The following LUZP2 variants were observed in gnomAD, a reference collection of about 807,000 sequenced individuals.
LUZP2 encodes leucine zipper protein 2.
In LUZP2, 52 loss-of-function variants were observed where a neutral mutation model predicts 51.6. That is an observed-to-expected ratio of 1.01 (90% CI 0.81 to 1.27). The LOEUF is 1.27. Ranked by LOEUF, LUZP2 falls within the 50% of genes most tolerant of loss-of-function variation. The pLI is 0.00. For missense variants in LUZP2, 436 were observed against 395.4 expected (o/e 1.10, Z -0.87); for synonymous variants, 154 against 137.3 (o/e 1.12, Z -0.85).
chr11:24,799,414 G>A (rs1849631893), intron 5 of LUZP2, among the ~76,000 whole-genome samples: 1 of 151,912 alleles, frequency 6.6e-6, no homozygotes, highest in Non-Finnish European at 1.5e-5. Flanking sequence ...TGGCCAACAT[G>A]GTGAAACCCC....
At chr11:24,793,582 C>T (rs545569290) in intron 5 of LUZP2, among the ~76,000 whole-genome samples, 13 of 152,218 alleles carry the variant, frequency 8.5e-5, no homozygotes, top group African/African-American at 3.1e-4. Flanking sequence ...TCTGAGAATA[C>T]CATGATAAGG....
chr11:24,985,503 A>G (rs1162234386), intron 9 of LUZP2, among the ~76,000 whole-genome samples: 1 of 151,824 alleles, frequency 6.6e-6, no homozygotes, highest in African/African-American at 2.4e-5. Flanking sequence ...GTAGAAACAA[A>G]TAAACCATGT....
intron 1 of LUZP2, among the ~76,000 whole-genome samples, chr11:24,538,643 GTT>G (rs1414074406): frequency 9.2e-6 from 1 of 109,260 alleles, no homozygotes; most frequent in African/African-American, 3.3e-5. Flanking sequence ...GTATTTATGT[GTT>G]TTTTATATGT....
At chr11:24,753,859 G>T (rs369714771) in intron 4 of LUZP2, among the ~76,000 whole-genome samples, 18 of 152,168 alleles carry the variant, frequency 1.2e-4, no homozygotes, top group African/African-American at 4.1e-4. Flanking sequence ...CAATGCCACG[G>T]ATGGGTTTCT....
intron 5 of LUZP2, among the ~76,000 whole-genome samples, chr11:24,820,044 C>A (rs141293170): frequency 6.6e-6 from 1 of 152,146 alleles, no homozygotes; most frequent in African/African-American, 2.4e-5. Flanking sequence ...TTGACATTTA[C>A]TGAGCGATAT....
At chr11:24,533,145 CTG>C (rs1255375609) in intron 1 of LUZP2, among the ~76,000 whole-genome samples, 1 of 151,196 alleles carries the variant, frequency 6.6e-6, no homozygotes, top group African/African-American at 2.4e-5. Context: ...TTTCTCCTGT[CTG>C]TGAATTTCCA....
At chr11:24,872,360 C>T (rs187755276) in intron 5 of LUZP2, among the ~76,000 whole-genome samples, 125 of 152,216 alleles carry the variant, frequency 8.2e-4, no homozygotes, top group African/African-American at 2.8e-3. Flanking sequence ...AATGATTTCA[C>T]GCTGTATTTG....
intron 6 of LUZP2, among the ~76,000 whole-genome samples, chr11:24,908,497 T>C (rs1160542793): frequency 6.6e-6 from 1 of 152,208 alleles, no homozygotes; most frequent in Non-Finnish European, 1.5e-5. Context: ...AATCTTCTTA[T>C]GAAAACTTTA....
chr11:24,820,014 C>T (rs887390203), intron 5 of LUZP2, among the ~76,000 whole-genome samples: 3 of 152,176 alleles, frequency 2.0e-5, no homozygotes, highest in Admixed American at 6.6e-5. Context: ...TTGAGAGTGA[C>T]AGTGAATCTA....
intron 1 of LUZP2, among the ~76,000 whole-genome samples, chr11:24,576,936 A>G (rs1278612561): frequency 1.3e-5 from 2 of 152,048 alleles, no homozygotes; most frequent in African/African-American, 4.8e-5. Flanking sequence ...GTAATTTTTT[A>G]AAAGAATCGT....
intron 3 of LUZP2, among the ~76,000 whole-genome samples, chr11:24,733,374 G>A (rs1014214827): frequency 6.6e-6 from 1 of 151,708 alleles, no homozygotes; most frequent in Non-Finnish European, 1.5e-5. Flanking sequence ...AGTATTTGTG[G>A]CTCTGTGAAG....
rs181976178 is a variant in LUZP2, at chr11:24,836,164, A to C, written c.397-69827A>C. Among the ~76,000 whole-genome samples the C allele has an allele frequency of 1.1e-3, 166 of 152,058 alleles. 2 individuals carry two copies. Among genetic ancestry groups the C allele is most frequent in the Non-Finnish European group, 1.8e-3 (119 of 67,844 alleles). ...TTTTCTCATTAGCACATGTACAGTA[A>C]TGATGGTGATAACAATAACAGCAAC... On this transcript the variant is annotated intron_variant, in intron 5 of 11. Coordinates refer to ENST00000336930, the MANE Select transcript of LUZP2 (RefSeq NM_001009909.4).
intron 1 of LUZP2, among the ~76,000 whole-genome samples, chr11:24,508,860 T>A (rs2133770589): frequency 6.6e-6 from 1 of 152,204 alleles, no homozygotes; most frequent in South Asian, 2.1e-4. Flanking sequence ...TTGACATATC[T>A]AAGGTCACAA....
At chr11:24,595,142 A>G (rs192584439) in intron 1 of LUZP2, among the ~76,000 whole-genome samples, 1 of 150,974 alleles carries the variant, frequency 6.6e-6, no homozygotes, top group African/African-American at 2.4e-5. Context: ...AGGCAATTTT[A>G]ATCTTTGTCA....
chr11:24,917,166 A>C (rs1303641673), intron 7 of LUZP2, among the ~76,000 whole-genome samples: 1 of 151,756 alleles, frequency 6.6e-6, no homozygotes, highest in Non-Finnish European at 1.5e-5. Context: ...CCTTTGCCCA[A>C]TTTTGATGGG....
chr11:24,791,385 T>G (rs1849404225), intron 5 of LUZP2, among the ~76,000 whole-genome samples: 1 of 152,152 alleles, frequency 6.6e-6, no homozygotes, highest in East Asian at 1.9e-4. Flanking sequence ...AGGTATACCT[T>G]TTATGGAATA....
chr11:24,614,538 C>T (rs897480742), intron 1 of LUZP2, among the ~76,000 whole-genome samples: 3 of 151,930 alleles, frequency 2.0e-5, no homozygotes, highest in Non-Finnish European at 4.4e-5. Context: ...ATATTCAGTA[C>T]GGCTTATCAC....
At chr11:24,909,850 T>A (rs1404575197) in intron 6 of LUZP2, among the ~76,000 whole-genome samples, 1 of 152,062 alleles carries the variant, frequency 6.6e-6, no homozygotes, top group African/African-American at 2.4e-5. Context: ...TAATGATACC[T>A]GAAAATGTGG....
chr11:24,824,061 TA>T (rs925481664), intron 5 of LUZP2, among the ~76,000 whole-genome samples: 112 of 143,712 alleles, frequency 7.8e-4, no homozygotes, highest in African/African-American at 2.8e-3. Flanking sequence ...AGACACTGTC[TA>T]AAAAAAAAGA....
Sources: allele counts gnomAD v4.1 joint callset (sites outside exome capture counted in the v4.1 genomes callset), GRCh38; gene constraint gnomAD v4.1.1; transcripts MANE v1.5; gene names NCBI Gene and HGNC (gene_info 2026-07-23, HGNC 2026-07-21).